NR3C1: variants seen among roughly 807,000 people sequenced by gnomAD.
The protein encoded by NR3C1 is glucocorticoid receptor.
NR3C1 carries 14 observed loss-of-function variants against 74.0 expected under a neutral mutation model. The ratio of observed to expected loss-of-function variants is 0.19; its 90% CI spans 0.12 to 0.30. The LOEUF is 0.30. Ranked by LOEUF, NR3C1 falls within the 10% of genes least tolerant of loss-of-function variation. The pLI is 1.00. For missense variants in NR3C1, 695 were observed against 909.8 expected (o/e 0.76, Z 3.04); for synonymous variants, 308 against 332.5 (o/e 0.93, Z 0.80).
intron 2 of NR3C1, among the ~76,000 whole-genome samples, chr5:143,352,226 T>C (rs1046886719): frequency 6.6e-6 from 1 of 152,194 alleles, no homozygotes; most frequent in African/African-American, 2.4e-5. Flanking sequence ...GTCTTGGTAC[T>C]ACATTGTAAT....
intron 1 of NR3C1, among the ~76,000 whole-genome samples, chr5:143,416,084 A>G (rs933113501): frequency 6.6e-6 from 1 of 152,212 alleles, no homozygotes; most frequent in African/African-American, 2.4e-5. Flanking sequence ...ATAATGCTTG[A>G]TGGCTGCCTC....
At chr5:143,387,393 T>G (rs1337493366) in intron 2 of NR3C1, among the ~76,000 whole-genome samples, 7 of 152,242 alleles carry the variant, frequency 4.6e-5, no homozygotes, top group Non-Finnish European at 8.8e-5. Flanking sequence ...TAAAGACTGG[T>G]TTCAAGAACA....
rs10041040 is a variant in NR3C1 at position 143,356,699 on chromosome 5, A to T, written c.1185-42531T>A. Among the ~76,000 whole-genome samples, 644 of 149,810 alleles carry T rather than the reference A, an allele frequency of 4.3e-3. 2 individuals carry two copies. Among genetic ancestry groups the T allele is most frequent in the African/African-American group, 0.015 (618 of 40,696 alleles). ...CAATTTGTATTTCTCAAAAAAAAAAACACACGCAAATGTTGTCACATTATT... is the reference window on the plus strand; with the variant it reads ...CAATTTGTATTTCTCAAAAAAAAAATCACACGCAAATGTTGTCACATTATT... On this transcript the variant is annotated intron_variant, in intron 2 of 8. Coordinates refer to ENST00000394464, the MANE Select transcript of NR3C1 (RefSeq NM_000176.3).
rs1446061256 is a variant in NR3C1, at chr5:143,400,412, G to C, written c.428C>G (p.Ala143Gly). 2.4e-5 allele frequency: 39 copies of C among 1,614,212 alleles called. No homozygotes were observed. Among genetic ancestry groups the C allele is most frequent in the Non-Finnish European group, 3.1e-5 (37 of 1,180,044 alleles). Residue 143 changes from alanine to glycine, a missense_variant, in exon 2 of 9, where the codon GCA (alanine) becomes GGA (glycine). Around this residue, in one of 4 missense-constraint regions of NR3C1, gnomAD observed 497 missense variants for 489.5 expected, o/e 1.02. Coordinates refer to ENST00000394464, the MANE Select transcript of NR3C1 (RefSeq NM_000176.3). ...GGGGGCAGCAGACACAGCAGTGGAT[G>C]CTGAACTCTTGGGGTTCTCTGGAAC... Reference protein sequence around the residue: ...TSVPENPKSSASTAVSAAPTE... With the variant: ...TSVPENPKSSGSTAVSAAPTE...
At chr5:143,299,303 C>T (rs1439289768) in intron 5 of NR3C1, among the ~76,000 whole-genome samples, 2 of 150,650 alleles carry the variant, frequency 1.3e-5, no homozygotes, top group Admixed American at 6.6e-5. Flanking sequence ...CGTGAGCCAT[C>T]GCACCCAGCC....
intron 7 of NR3C1, among the ~76,000 whole-genome samples, chr5:143,287,758 A>ATATT (rs1814831397): frequency 1.3e-5 from 2 of 152,188 alleles, no homozygotes; most frequent in African/African-American, 4.8e-5. Flanking sequence ...GATCAGCAAA[A>ATATT]TATTAGCAAA....
intron 7 of NR3C1, chr5:143,293,872 T>C: frequency 1.0e-6 from 1 of 979,182 alleles, no homozygotes; most frequent in Non-Finnish European, 1.2e-6. Context: ...TTCTTTTTTT[T>C]TTTTTTTTAA....
chr5:143,338,901 C>A (rs1273936109), intron 2 of NR3C1, among the ~76,000 whole-genome samples: 1 of 152,142 alleles, frequency 6.6e-6, no homozygotes, highest in African/African-American at 2.4e-5. Context: ...ACAGTAAGCA[C>A]CTATACAGGT....
At chr5:143,299,002 TGTG>T (rs1296503554) in intron 5 of NR3C1, among the ~76,000 whole-genome samples, 190 bp from the exon 6 acceptor site, 53 of 136,492 alleles carry the variant, frequency 3.9e-4, no homozygotes, top group African/African-American at 1.3e-3. Flanking sequence ...CAAACCCTCT[TGTG>T]TTTTTTTTTT....
chr5:143,315,676 G>A (rs1031894065), intron 2 of NR3C1, among the ~76,000 whole-genome samples: 3 of 152,090 alleles, frequency 2.0e-5, no homozygotes, highest in Non-Finnish European at 2.9e-5. Flanking sequence ...ACAGAGCAAA[G>A]TAACTTAAAA....
At chr5:143,320,213 C>T (rs1823058399) in intron 2 of NR3C1, among the ~76,000 whole-genome samples, 2 of 152,126 alleles carry the variant, frequency 1.3e-5, no homozygotes. Context: ...TAGAAAAATG[C>T]TTTAGGGGAA....
At chr5:143,283,805 A>G (rs771048053) in intron 7 of NR3C1, among the ~76,000 whole-genome samples, 4 of 152,132 alleles carry the variant, frequency 2.6e-5, no homozygotes, top group Non-Finnish European at 4.4e-5. Context: ...AGAGTGCTAC[A>G]TTTTTCACAG....
intron 2 of NR3C1, chr5:143,332,463 T>G (rs1826181609): frequency 1.9e-6 from 1 of 517,010 alleles, no homozygotes; most frequent in Non-Finnish European, 3.4e-6. Flanking sequence ...CCGGGCTTAA[T>G]ACCTGATGAG....
intron 2 of NR3C1, among the ~76,000 whole-genome samples, chr5:143,368,372 A>C (rs1833637450): frequency 6.6e-6 from 1 of 152,218 alleles, no homozygotes; most frequent in Non-Finnish European, 1.5e-5. Flanking sequence ...ATTAAAAAAT[A>C]AATTGGACTT....
intron 2 of NR3C1, among the ~76,000 whole-genome samples, chr5:143,399,353 T>C (rs1839820112): frequency 6.6e-6 from 1 of 152,206 alleles, no homozygotes; most frequent in East Asian, 1.9e-4. Context: ...CTCTCCTGAA[T>C]TTATATAATT....
rs78841562 is a variant in NR3C1 at position 143,370,639 on chromosome 5, C to T, written c.1184+29017G>A. 4.6e-3 allele frequency among the ~76,000 whole-genome samples: 701 copies of T among 152,310 alleles called. 3 individuals are homozygous for T. The highest frequency in any genetic ancestry group is 0.016 in the African/African-American group (647 of 41,572). On this transcript the variant is annotated intron_variant, in intron 2 of 8. Transcript: ENST00000394464. ...CGGTCCTCCCAGACTTTAGCAAGGT[C>T]GGCATTTAGCTGAAGCTGTATTGGT...
chr5:143,388,693 A>G (rs2151909326), intron 2 of NR3C1, among the ~76,000 whole-genome samples: 1 of 152,336 alleles, frequency 6.6e-6, no homozygotes, highest in African/African-American at 2.4e-5. Flanking sequence ...ATCTGGGGAA[A>G]GAACATTTCA....
At chr5:143,360,131 A>G (rs1162874740) in intron 2 of NR3C1, among the ~76,000 whole-genome samples, 1 of 152,230 alleles carries the variant, frequency 6.6e-6, no homozygotes, top group African/African-American at 2.4e-5. Context: ...TGGCACACAG[A>G]AAAGCTACTT....
chr5:143,422,966 A>T (rs1751316110), intron 1 of NR3C1, among the ~76,000 whole-genome samples: 1 of 152,052 alleles, frequency 6.6e-6, no homozygotes, highest in Admixed American at 6.6e-5. Context: ...TCCAACACAT[A>T]TATATTGTTT....
Sources: allele counts gnomAD v4.1 joint callset (sites outside exome capture counted in the v4.1 genomes callset), GRCh38; gene constraint gnomAD v4.1.1; regional missense constraint gnomAD v4.1.1; transcripts MANE v1.5; gene names NCBI Gene and HGNC (gene_info 2026-07-23, HGNC 2026-07-21).